The following PARN variants were observed in gnomAD, a reference collection of about 807,000 sequenced individuals.
PARN encodes the protein poly(A)-specific ribonuclease.
In PARN, 71 loss-of-function variants were observed where a neutral mutation model predicts 102.8. The observed-to-expected ratio is 0.69, with a 90% confidence interval of 0.57 to 0.84. PARN has a LOEUF of 0.84. Ranked by LOEUF, PARN falls within the 40% of genes least tolerant of loss-of-function variation. The probability of loss-of-function intolerance (pLI) is 0.00; values close to 1 mark genes in which losing one functional copy is unlikely to be tolerated. For missense variants in PARN, 782 were observed against 760.9 expected, an observed-to-expected ratio of 1.03 and a Z score of -0.33; for synonymous variants, 261 against 252.9, an observed-to-expected ratio of 1.03 and a Z score of -0.30.
At chr16:14,601,780 G>C (rs1215051986) in intron 11 of PARN, 2 of 151,446 alleles carry the variant, frequency 1.3e-5, no homozygotes, top group Admixed American at 6.6e-5. Flanking sequence ...AAAATTAGCC[G>C]GACGCAGTGG....
chr16:14,481,246 G>A (rs1596483405), intron 22 of PARN, among the ~76,000 whole-genome samples: 1 of 152,254 alleles, frequency 6.6e-6, no homozygotes, highest in South Asian at 2.1e-4. Flanking sequence ...CCAACATCAA[G>A]AGAATGGGGG....
intron 9 of PARN, 33 bp downstream of exon 9, chr16:14,608,248 C>A (rs1175733943): frequency 3.4e-6 from 5 of 1,464,804 alleles, no homozygotes; most frequent in Non-Finnish European, 4.6e-6. Context: ...CTGGGTCCCC[C>A]ACAGAGCTGC....
rs974991770 is a variant in PARN, at chr16:14,435,727, T to C, written c.*990A>G. On this transcript the variant is annotated 3_prime_UTR_variant, in exon 24 of 24. Coordinates refer to ENST00000437198, the MANE Select transcript of PARN (RefSeq NM_002582.4). Reference sequence around the variant, plus strand: ...CCTATGAAAATGTTTTTAATTTTCATCTTTTGGAAATACATTTTTCATTTT... The same window carrying C: ...CCTATGAAAATGTTTTTAATTTTCACCTTTTGGAAATACATTTTTCATTTT... The C allele has an allele frequency of 1.3e-5, 2 of 152,082 alleles. No individual in the cohort carries two copies. The highest frequency in any genetic ancestry group is 2.4e-5 in the African/African-American group (1 of 41,412). 9.4% of individuals were successfully genotyped at this position (152,082 alleles called of 1,614,324 possible).
rs1392824544 is a variant in PARN at position 14,628,223 on chromosome 16, T to G, written c.126A>C (p.Ala42=). ...SGISDGPSVS[A]LTNGFDTPEE... ...CTGGAGTGTCAAAACCATTTGTTAA[T>G]GCAGAGACTGAAGGTCCATCACTGA... Residue 42 remains alanine, a synonymous_variant, in exon 3 of 24, where the codon GCA becomes GCC. Coordinates refer to ENST00000437198, the MANE Select transcript of PARN (RefSeq NM_002582.4). 1.9e-6 allele frequency: 3 copies of G among 1,606,824 alleles called. No individual in the cohort carries two copies.
intron 21 of PARN, among the ~76,000 whole-genome samples, chr16:14,490,106 T>C (rs896359115): frequency 1.5e-4 from 23 of 152,276 alleles, no homozygotes; most frequent in African/African-American, 5.3e-4. Flanking sequence ...TGCAGTGAAC[T>C]GAGATCGTGC....
At chr16:14,530,648 G>C (rs893210596) in intron 21 of PARN, among the ~76,000 whole-genome samples, 1 of 151,894 alleles carries the variant, frequency 6.6e-6, no homozygotes, top group South Asian at 2.1e-4. Context: ...TCACAACCCA[G>C]TGAGGGAGTG....
At chr16:14,540,012 C>T (rs1030365067) in intron 21 of PARN, among the ~76,000 whole-genome samples, 1 of 152,124 alleles carries the variant, frequency 6.6e-6, no homozygotes, top group Non-Finnish European at 1.5e-5. Flanking sequence ...AGGTTATATG[C>T]AAAAATTATA....
chr16:14,458,533 G>T (rs1241961436), intron 22 of PARN, among the ~76,000 whole-genome samples: 2 of 152,208 alleles, frequency 1.3e-5, no homozygotes, highest in Non-Finnish European at 2.9e-5. Context: ...AGAGAATGGG[G>T]TATCAGCTCA....
chr16:14,473,847 C>T (rs1027078868), intron 22 of PARN, among the ~76,000 whole-genome samples: 2 of 152,178 alleles, frequency 1.3e-5, no homozygotes, highest in Admixed American at 6.5e-5. Flanking sequence ...AAGACAAAGA[C>T]GGCAAAACGG....
rs779065297 is a variant in PARN, at chr16:14,584,426, C to T, written c.1006-4G>A. 3.3e-5 allele frequency: 53 copies of T among 1,609,952 alleles called. No individual in the cohort carries two copies. The highest frequency in any genetic ancestry group is 4.4e-5 in the Non-Finnish European group (52 of 1,176,910). ...GGGATGTGTTGTTAATGATATCCTG[C>T]AAACCACGAAGCAAAGAATTATGAG... On this transcript the variant is annotated splice_polypyrimidine_tract_variant and splice_region_variant and intron_variant, in intron 15 of 23. Coordinates refer to ENST00000437198, the MANE Select transcript of PARN (RefSeq NM_002582.4).
At chr16:14,570,053 AGAG>A (rs1479847735) in intron 18 of PARN, among the ~76,000 whole-genome samples, 2 of 152,196 alleles carry the variant, frequency 1.3e-5, no homozygotes, top group African/African-American at 2.4e-5. Context: ...GAAATAGGAA[AGAG>A]GAGGCCGGGT....
chr16:14,530,278 C>T lies in PARN; in HGVS notation c.1480+21743G>A, dbSNP rs530632313. Among the ~76,000 whole-genome samples the T allele has an allele frequency of 3.9e-5, 6 of 152,312 alleles. No homozygotes were observed. In the East Asian group the frequency reaches 1.2e-3, roughly 29 times the overall value. ...GTCCACAGGAATCCCAAGCCCCAGGCTACTCTAGAGAGAGGCAGCACCTGA... is the reference window on the plus strand; with the variant it reads ...GTCCACAGGAATCCCAAGCCCCAGGTTACTCTAGAGAGAGGCAGCACCTGA... On this transcript the variant is annotated intron_variant, in intron 21 of 23. Transcript: ENST00000437198.
chr16:14,585,980 CTTTTT>C (rs772896503), intron 14 of PARN, among the ~76,000 whole-genome samples: 1 of 127,234 alleles, frequency 7.9e-6, no homozygotes. Flanking sequence ...CACAATGACT[CTTTTT>C]TTTTTTTTTT....
chr16:14,530,301 TGAG>T (rs1456304863), intron 21 of PARN, among the ~76,000 whole-genome samples: 1 of 152,150 alleles, frequency 6.6e-6, no homozygotes, highest in Non-Finnish European at 1.5e-5. Context: ...AGGCAGCACC[TGAG>T]GAGGGAGAGC....
At chr16:14,544,688 A>C (rs1372300499) in intron 21 of PARN, among the ~76,000 whole-genome samples, 1 of 152,226 alleles carries the variant, frequency 6.6e-6, no homozygotes, top group Non-Finnish European at 1.5e-5. Context: ...ATTACAAAAG[A>C]TAAAGGAGAA....
intron 22 of PARN, among the ~76,000 whole-genome samples, chr16:14,458,822 T>G (rs1317159085): frequency 6.6e-6 from 1 of 152,070 alleles, no homozygotes; most frequent in Non-Finnish European, 1.5e-5. Flanking sequence ...GATAGGAGGT[T>G]TATACTCTGG....
intron 18 of PARN, among the ~76,000 whole-genome samples, chr16:14,565,421 A>C (rs1567391714): frequency 2.7e-5 from 4 of 146,850 alleles, no homozygotes; most frequent in Non-Finnish European, 6.2e-5. Context: ...AAAAAAAAAA[A>C]AACAAAGGAA....
chr16:14,510,797 AT>A (rs1965146988), intron 21 of PARN, among the ~76,000 whole-genome samples: 1 of 152,218 alleles, frequency 6.6e-6, no homozygotes, highest in African/African-American at 2.4e-5. Flanking sequence ...TGACTTTGCC[AT>A]GCAGGCAATG....
chr16:14,543,571 G>GT (rs1966854353), intron 21 of PARN, among the ~76,000 whole-genome samples: 1 of 152,280 alleles, frequency 6.6e-6, no homozygotes, highest in East Asian at 1.9e-4. Flanking sequence ...CTATATGATT[G>GT]TAAGGTCTCT....
Sources: allele counts gnomAD v4.1 joint callset (sites outside exome capture counted in the v4.1 genomes callset), GRCh38; gene constraint gnomAD v4.1.1; transcripts MANE v1.5; gene names NCBI Gene and HGNC (gene_info 2026-07-23, HGNC 2026-07-21).